Variants in KAZALD1 observed in about 807,000 individuals in gnomAD.
KAZALD1 encodes the protein kazal-type serine protease inhibitor domain-containing protein 1.
KAZALD1 carries 31 observed loss-of-function variants against 27.7 expected under a neutral mutation model. That is an observed-to-expected ratio of 1.12 (90% CI 0.84 to 1.51). The LOEUF (loss-of-function observed/expected upper bound fraction) is 1.51, where lower values mean the gene tolerates loss of function less well. KAZALD1 is among the 40% of genes most tolerant of loss of function. KAZALD1 has a pLI of 0.00. For synonymous variants in KAZALD1, 179 were observed against 182.0 expected (o/e 0.98, Z 0.13); for missense variants, 444 against 408.9 (o/e 1.09, Z -0.74).
Position 101,064,548 on chromosome 10 carries a change from C to T in KAZALD1, c.720C>T (p.Ile240=), listed in dbSNP as rs138428691. 1.3e-3 allele frequency: 2,031 copies of T among 1,614,162 alleles called. 31 individuals carry two copies. In the African/African-American group the frequency reaches 0.024, roughly 19 times the overall value. ...QRFEVTGWLQ[I]QAVRPSDEGT... Reference sequence around the variant, plus strand: ...TTGAGGTGACTGGCTGGCTGCAGATCCAGGCTGTGCGTCCCAGTGATGAGG... The same window carrying T: ...TTGAGGTGACTGGCTGGCTGCAGATTCAGGCTGTGCGTCCCAGTGATGAGG... Residue 240 remains isoleucine, a synonymous_variant, in exon 4 of 5, where the codon ATC becomes ATT. Transcript: ENST00000370200.
chr10:101,064,812 A>C lies in KAZALD1; in HGVS notation c.821-14A>C. 6.2e-7 allele frequency: 1 copy of C among 1,613,456 alleles called. No individual in the cohort carries two copies. The highest frequency in any genetic ancestry group is 8.5e-7 in the Non-Finnish European group (1 of 1,179,414). ...CTCTCCTGTTCTCTCTTCTTTGCCC[A>C]TGTGTGTTTGCAGACCAGCTGAACT... is the stretch of plus-strand genomic sequence containing the variant. On this transcript the variant is annotated splice_polypyrimidine_tract_variant and intron_variant, in intron 4 of 4. Coordinates refer to ENST00000370200, the MANE Select transcript of KAZALD1 (RefSeq NM_030929.5).
chr10:101,065,905 A>G lies in KAZALD1; in HGVS notation c.*985A>G, dbSNP rs181301091. ...ACAGGGCTATGTGGGTTGGCCCCCA[A>G]AATGAAAGCATAAACTGGATAGAGG... is the stretch of plus-strand genomic sequence containing the variant. On this transcript the variant is annotated 3_prime_UTR_variant, in exon 5 of 5. Transcript: ENST00000370200. 3.3e-5 allele frequency among the ~76,000 whole-genome samples: 5 copies of G among 152,336 alleles called. No homozygotes were observed. The highest frequency in any genetic ancestry group is 3.9e-4 in the East Asian group (2 of 5,188).
At position 101,064,666 on chromosome 10, in the gene KAZALD1, T is replaced by G; in HGVS notation, c.820+18T>G. 6.2e-7 allele frequency: 1 copy of G among 1,613,084 alleles called. No homozygotes were observed. Among genetic ancestry groups the G allele is most frequent in the Non-Finnish European group, 8.5e-7 (1 of 1,179,912 alleles). On this transcript the variant is annotated intron_variant, in intron 4 of 4. Transcript: ENST00000370200. ...CACACCTGGTAAGGGGATTCCTGAG[T>G]TCTGGGGGTTGGGGGGATGGTGCTG...
At position 101,064,247 on chromosome 10, in the gene KAZALD1, G is replaced by A. The variant is rs749793020; in HGVS notation, c.512-14G>A. Reference sequence around the variant, plus strand: ...GGGCCATGCTATTCTCAGACCTCCCGCCTTCACCCCCAGGGCCCCAGATCG... The same window carrying A: ...GGGCCATGCTATTCTCAGACCTCCCACCTTCACCCCCAGGGCCCCAGATCG... On this transcript the variant is annotated splice_polypyrimidine_tract_variant and intron_variant, in intron 2 of 4. Transcript: ENST00000370200. 24 of 1,613,718 alleles carry A rather than the reference G, an allele frequency of 1.5e-5. No individual in the cohort carries two copies. Among genetic ancestry groups the A allele is most frequent in the Admixed American group, 3.3e-5 (2 of 59,980 alleles).
At position 101,066,710 on chromosome 10, in the gene KAZALD1, C is replaced by T. The variant is rs1220881443; in HGVS notation, c.*1790C>T. ...GACGCCCTCTGCGGGCCCATAGCTC[C>T]TACCGCGTCCACCTGCAGAGCAGAG... On this transcript the variant is annotated 3_prime_UTR_variant, in exon 5 of 5. Coordinates refer to ENST00000370200, the MANE Select transcript of KAZALD1 (RefSeq NM_030929.5). 5 of 353,400 alleles carry T rather than the reference C, an allele frequency of 1.4e-5. No homozygotes were observed. The highest frequency in any genetic ancestry group is 7.5e-5 in the Admixed American group (2 of 26,836). 21.9% of individuals were successfully genotyped at this position (353,400 alleles called of 1,614,324 possible). A position where few individuals can be genotyped will look rare whatever the true frequency, so the allele number is the denominator to read the frequency against.
chr10:101,064,779 C>T (rs1435005008), intron 4 of KAZALD1, 47 bp from the exon 5 acceptor site: 4 of 1,598,738 alleles, frequency 2.5e-6, no homozygotes, highest in Non-Finnish European at 2.6e-6. Flanking sequence ...TGGGCACCGA[C>T]AGCCCCTCTC....
chr10:101,062,998 G>C lies in KAZALD1; in HGVS notation c.406G>C (p.Gly136Arg). 1.9e-6 allele frequency: 3 copies of C among 1,600,530 alleles called. No homozygotes were observed. The highest frequency in any genetic ancestry group is 2.5e-6 in the Non-Finnish European group (3 of 1,179,118). ...CTGTCGTTCGCAGAGTCCGCTCTGC[G>C]GGTCCGACGGTCACACCTACTCCCA... is the stretch of plus-strand genomic sequence containing the variant. ...CACRSQSPLC[G>R]SDGHTYSQIC... Residue 136 changes from glycine to arginine, a missense_variant, in exon 2 of 5, where the codon GGG becomes CGG. Physicochemically the swap from Gly to Arg is moderately radical, Grantham distance 125 (BLOSUM62 -2). Transcript: ENST00000370200.
rs1158767788 is a variant in KAZALD1 at position 101,065,532 on chromosome 10, T to C, written c.*612T>C. ...GCCAGCTCGAGATCTTATACCACTC[T>C]GTATTGGACAAAGGCTAGCACAGGG... is the stretch of plus-strand genomic sequence containing the variant. On this transcript the variant is annotated 3_prime_UTR_variant, in exon 5 of 5. Transcript: ENST00000370200. The C allele has an allele frequency of 6.4e-6, 1 of 155,488 alleles. No homozygotes were observed. The highest frequency in any genetic ancestry group is 1.4e-5 in the Non-Finnish European group (1 of 70,168). The allele number at this position is 155,488 out of a possible 1,614,324, so 9.6% of individuals were successfully genotyped here.
At chr10:101,067,252 C>T, downstream of KAZALD1, 1 of 456,694 alleles carries the variant, frequency 2.2e-6, no homozygotes, top group Non-Finnish European at 4.4e-6. Context: ...TCCTAGGTTG[C>T]TCACACCCGA....
chr10:101,064,872 G>C lies in KAZALD1; in HGVS notation c.867G>C (p.Leu289=), dbSNP rs773607207. The stretch of plus-strand genomic sequence containing the variant: ...TCCCCCAGCTGCGATCACTAAACCT[G>C]GTTCCTGAGGAGGAGGCTGAGAGTG... ...TGIPQLRSLN[L]VPEEEAESEE... is the part of the protein sequence containing the mutation. The change falls in exon 5 of 5, where the codon CTG becomes CTC. Residue 289 remains leucine, a synonymous_variant. Transcript: ENST00000370200. 2 of 1,614,174 alleles carry C rather than the reference G, an allele frequency of 1.2e-6. No individual in the cohort carries two copies. Among genetic ancestry groups the C allele is most frequent in the South Asian group, 2.2e-5 (2 of 91,082 alleles).
rs766137552 is a variant in KAZALD1, at chr10:101,062,934, C to A, written c.342C>A (p.Gly114=). ...TTGAGTGCCGGCTGGACACAGGCGG[C>A]GACCTGAGCCGCGGAGAGGTGCCGG... ...EQLECRLDTG[G]DLSRGEVPEP... The change falls in exon 2 of 5, where the codon GGC becomes GGA. Residue 114 remains glycine, a synonymous_variant. Transcript: ENST00000370200. 2.5e-6 allele frequency: 4 copies of A among 1,602,278 alleles called. No individual in the cohort carries two copies. The highest frequency in any genetic ancestry group is 1.7e-5 in the Admixed American group (1 of 59,946).
At position 101,065,266 on chromosome 10, in the gene KAZALD1, G is replaced by A; in HGVS notation, c.*346G>A. 1 of 238,742 alleles carries A rather than the reference G, an allele frequency of 4.2e-6. No individual in the cohort carries two copies. Among genetic ancestry groups the A allele is most frequent in the Non-Finnish European group, 8.3e-6 (1 of 121,110 alleles). 14.8% of individuals were successfully genotyped at this position (238,742 alleles called of 1,614,324 possible). A position where few individuals can be genotyped will look rare whatever the true frequency, so the allele number is the denominator to read the frequency against. On this transcript the variant is annotated 3_prime_UTR_variant, in exon 5 of 5. Coordinates refer to ENST00000370200, the MANE Select transcript of KAZALD1 (RefSeq NM_030929.5). ...GCACCAGGATTCTCCACTTCTTCCA[G>A]CCCTGCTGGGCCACAGTTCTAACTG...
chr10:101,062,931 C>T lies in KAZALD1; in HGVS notation c.339C>T (p.Gly113=), dbSNP rs1267324868. 1.2e-6 allele frequency: 2 copies of T among 1,602,576 alleles called. No individual in the cohort carries two copies. Among genetic ancestry groups the T allele is most frequent in the Non-Finnish European group, 1.7e-6 (2 of 1,179,526 alleles). The part of the protein sequence containing the change: ...GEQLECRLDT[G]GDLSRGEVPE... ...AGCTTGAGTGCCGGCTGGACACAGG[C>T]GGCGACCTGAGCCGCGGAGAGGTGC... The change falls in exon 2 of 5, where the codon GGC becomes GGT. Residue 113 remains glycine, a synonymous_variant. Coordinates refer to ENST00000370200, the MANE Select transcript of KAZALD1 (RefSeq NM_030929.5).
rs1939184209 is a variant in KAZALD1, at chr10:101,062,528, T to G, written c.-51-14T>G. On this transcript the variant is annotated splice_polypyrimidine_tract_variant and intron_variant, in intron 1 of 4. Transcript: ENST00000370200. ...CTGTTTCTGACCTCCTGACCTGGCTTCCCTTCCTGGCAGGGTGCCCGAACG... is the reference window on the plus strand; with the variant it reads ...CTGTTTCTGACCTCCTGACCTGGCTGCCCTTCCTGGCAGGGTGCCCGAACG... The G allele has an allele frequency of 2.2e-5, 34 of 1,534,934 alleles. No homozygotes were observed. In the East Asian group the frequency reaches 8.3e-4, roughly 37 times the overall value.
At chr10:101,063,990 T>C (rs1293582283) in intron 2 of KAZALD1, among the ~76,000 whole-genome samples, 2 of 152,238 alleles carry the variant, frequency 1.3e-5, no homozygotes, top group African/African-American at 4.8e-5. Context: ...TAGATGTGTG[T>C]GCTTGTTTGT....
chr10:101,062,638 C>T lies in KAZALD1; in HGVS notation c.46C>T (p.Leu16Phe). The T allele has an allele frequency of 6.4e-7, 1 of 1,572,036 alleles. No homozygotes were observed. Residue 16 changes from leucine to phenylalanine, a missense_variant, in exon 2 of 5, where the codon CTC becomes TTC. Leu to Phe is a conservative substitution (Grantham distance 22). Coordinates refer to ENST00000370200, the MANE Select transcript of KAZALD1 (RefSeq NM_030929.5). ...CGCAGCTGCCTTGGCGCTGCCTGTGCTCCTGCTACTGCTGGTGGTGCTGAC... is the reference window on the plus strand; with the variant it reads ...CGCAGCTGCCTTGGCGCTGCCTGTGTTCCTGCTACTGCTGGTGGTGCTGAC... ...RPAAALALPV[L>F]LLLLVVLTPP...
In KAZALD1 at chr10:101,062,982, G is replaced by C. The variant is rs370383384; in HGVS notation, c.390G>C (p.Ser130=). The change falls in exon 2 of 5, where the codon TCG becomes TCC. Residue 130 remains serine, a synonymous_variant. Transcript: ENST00000370200. ...CGGAACCTCTGTGTGCCTGTCGTTCGCAGAGTCCGCTCTGCGGGTCCGACG... is the reference window on the plus strand; with the variant it reads ...CGGAACCTCTGTGTGCCTGTCGTTCCCAGAGTCCGCTCTGCGGGTCCGACG... ...EVPEPLCACR[S]QSPLCGSDGH... is the part of the protein sequence containing the mutation. The C allele has an allele frequency of 3.5e-5, 56 of 1,600,994 alleles. No individual in the cohort carries two copies. The Admixed American group carries it at 6.0e-4, about 17-fold the overall frequency.
At chr10:101,063,795 G>A (rs1423001118) in intron 2 of KAZALD1, among the ~76,000 whole-genome samples, 2 of 152,224 alleles carry the variant, frequency 1.3e-5, no homozygotes, top group Non-Finnish European at 1.5e-5. Context: ...CTGCCTTGCC[G>A]CAGGACTCCC....
At position 101,062,994 on chromosome 10, in the gene KAZALD1, C is replaced by T. The variant is rs753728068; in HGVS notation, c.402C>T (p.Leu134=). Residue 134 remains leucine, a synonymous_variant, in exon 2 of 5, where the codon CTC becomes CTT. Coordinates refer to ENST00000370200, the MANE Select transcript of KAZALD1 (RefSeq NM_030929.5). ...GTGCCTGTCGTTCGCAGAGTCCGCTCTGCGGGTCCGACGGTCACACCTACT... is the reference window on the plus strand; with the variant it reads ...GTGCCTGTCGTTCGCAGAGTCCGCTTTGCGGGTCCGACGGTCACACCTACT... ...PLCACRSQSP[L]CGSDGHTYSQ... 6.2e-7 allele frequency: 1 copy of T among 1,600,970 alleles called. No individual in the cohort carries two copies. Among genetic ancestry groups the T allele is most frequent in the Non-Finnish European group, 8.5e-7 (1 of 1,179,260 alleles).
Sources: allele counts gnomAD v4.1 joint callset (sites outside exome capture counted in the v4.1 genomes callset), GRCh38; gene constraint gnomAD v4.1.1; transcripts MANE v1.5; gene names NCBI Gene and HGNC (gene_info 2026-07-23, HGNC 2026-07-21).